Variants in NPTX2 observed in about 807,000 individuals in gnomAD.
The protein encoded by NPTX2 is neuronal pentraxin 2.
A neutral mutation model predicts 38.1 loss-of-function variants in NPTX2; 23 were observed. The observed-to-expected ratio is 0.60, with a 90% CI of 0.43 to 0.85. NPTX2 has a LOEUF of 0.85. NPTX2 is among the 40% of genes least tolerant of loss of function. The pLI, the probability that NPTX2 is intolerant of heterozygous loss-of-function variation, is 0.00. For synonymous variants in NPTX2, 291 were observed against 287.3 expected, an observed-to-expected ratio of 1.01 and a Z score of -0.13; for missense variants, 553 against 615.3, an observed-to-expected ratio of 0.90 and a Z score of 1.07.
intron 1 of NPTX2, 96 bp downstream of exon 1, chr7:98,617,983 T>C: frequency 7.8e-7 from 1 of 1,286,200 alleles, no homozygotes; most frequent in East Asian, 2.8e-5. Context: ...GGCCTGGCCC[T>C]GGGGAGGGTG....
intron 3 of NPTX2, among the ~76,000 whole-genome samples, chr7:98,626,193 C>T (rs914384067): frequency 6.6e-6 from 1 of 150,798 alleles, no homozygotes; most frequent in African/African-American, 2.4e-5. Flanking sequence ...CTCCTGGGGA[C>T]CTCTCACAGC....
intron 4 of NPTX2, among the ~76,000 whole-genome samples, chr7:98,627,997 A>G (rs1791381939): frequency 6.6e-6 from 1 of 152,148 alleles, no homozygotes; most frequent in Admixed American, 6.5e-5. Context: ...TTGGCATTCC[A>G]GTCTGTATTT....
At chr7:98,618,569 T>TCCCCCCCCCCCCCCC (rs145792464) in intron 1 of NPTX2, among the ~76,000 whole-genome samples, 1 of 30,094 alleles carries the variant, frequency 3.3e-5, no homozygotes, top group Admixed American at 3.3e-4. Context: ...TCTCTCTCTC[T>TCCCCCCCCCCCCCCC]CCCCCCCTCC....
At chr7:98,620,736 C>T (rs980650586) in intron 2 of NPTX2, among the ~76,000 whole-genome samples, 2 of 152,098 alleles carry the variant, frequency 1.3e-5, no homozygotes, top group Non-Finnish European at 2.9e-5. Flanking sequence ...GTGAGCGTGG[C>T]TCCGTGGACC....
At chr7:98,626,829 C>T (rs1356661788) in intron 3 of NPTX2, among the ~76,000 whole-genome samples, 1 of 152,210 alleles carries the variant, frequency 6.6e-6, no homozygotes, top group Non-Finnish European at 1.5e-5. Flanking sequence ...ATGAGGATCT[C>T]TCGTCTGTTT....
chr7:98,621,932 G>A (rs1791276732), intron 2 of NPTX2, among the ~76,000 whole-genome samples: 1 of 152,222 alleles, frequency 6.6e-6, no homozygotes. Context: ...GTGGGCCCCA[G>A]CCCTGCTGCG....
intron 2 of NPTX2, among the ~76,000 whole-genome samples, chr7:98,624,344 C>T (rs1401827280): frequency 2.0e-5 from 3 of 152,142 alleles, no homozygotes; most frequent in East Asian, 1.9e-4. Context: ...CCTCCTGCCT[C>T]GGCCTCCCAA....
chr7:98,618,601 C>T (rs1584140043), intron 1 of NPTX2, among the ~76,000 whole-genome samples: 1 of 119,166 alleles, frequency 8.4e-6, no homozygotes, highest in South Asian at 3.7e-4. Flanking sequence ...TCCGTCCCCC[C>T]CCCCCGCCCC....
intron 2 of NPTX2, among the ~76,000 whole-genome samples, chr7:98,623,370 C>A (rs916931264): frequency 1.3e-5 from 2 of 152,160 alleles, no homozygotes; most frequent in East Asian, 3.9e-4. Flanking sequence ...ACCAAGGCTG[C>A]CTTGGAAATA....
chr7:98,623,741 A>G (rs917739360), intron 2 of NPTX2, among the ~76,000 whole-genome samples: 2 of 152,182 alleles, frequency 1.3e-5, no homozygotes, highest in Middle Eastern at 3.2e-3. Flanking sequence ...AGACTCATTC[A>G]CTTGACAAGT....
chr7:98,619,320 C>T (rs1791232436), intron 1 of NPTX2, among the ~76,000 whole-genome samples: 1 of 152,082 alleles, frequency 6.6e-6, no homozygotes, highest in Non-Finnish European at 1.5e-5. Flanking sequence ...AATCCTGGAG[C>T]TGAGTTTTGG....
At chr7:98,619,311 A>G (rs1791232300) in intron 1 of NPTX2, among the ~76,000 whole-genome samples, 1 of 152,098 alleles carries the variant, frequency 6.6e-6, no homozygotes, top group Non-Finnish European at 1.5e-5. Flanking sequence ...AAGAAAAAAA[A>G]TCCTGGAGCT....
intron 2 of NPTX2, among the ~76,000 whole-genome samples, chr7:98,621,378 T>G (rs1389324737): frequency 6.6e-6 from 1 of 152,134 alleles, no homozygotes; most frequent in East Asian, 1.9e-4. Context: ...GCTGGCCATT[T>G]ATGCACCCCA....
At chr7:98,626,574 C>T (rs930209347) in intron 3 of NPTX2, among the ~76,000 whole-genome samples, 8 of 152,142 alleles carry the variant, frequency 5.3e-5, no homozygotes, top group Admixed American at 1.3e-4. Context: ...AGGGAGGCTT[C>T]GGGTTGCTAG....
intron 2 of NPTX2, among the ~76,000 whole-genome samples, chr7:98,624,199 T>C (rs1791309585): frequency 6.6e-6 from 1 of 152,124 alleles, no homozygotes; most frequent in African/African-American, 2.4e-5. Context: ...TCAAGCAGTC[T>C]TCCCACCTCA....
intron 2 of NPTX2, among the ~76,000 whole-genome samples, chr7:98,623,956 G>T (rs192881237): frequency 6.0e-4 from 92 of 152,288 alleles, no homozygotes; most frequent in African/African-American, 2.1e-3. Flanking sequence ...TATGACTTAT[G>T]AAAAGAGAGT....
In NPTX2 at chr7:98,626,382, G is replaced by C. The variant is rs573537208; in HGVS notation, c.889-783G>C. Among the ~76,000 whole-genome samples the C allele has an allele frequency of 3.9e-5, 6 of 152,148 alleles. No individual in the cohort carries two copies. In the East Asian group the frequency reaches 1.2e-3, roughly 30 times the overall value. The stretch of plus-strand genomic sequence containing the variant: ...TGTTTGTCCTCACTGAACTGCCCTG[G>C]GTGGAGTCTGTCGAGGTTTAAAAAA... On this transcript the variant is annotated intron_variant, in intron 3 of 4. Transcript: ENST00000265634.
intron 2 of NPTX2, 114 bp downstream of exon 2, chr7:98,619,973 T>G: frequency 2.2e-6 from 2 of 906,774 alleles, no homozygotes; most frequent in Non-Finnish European, 1.7e-6. Flanking sequence ...ATGGGCCTGG[T>G]TCCCGAGTGT....
At position 98,617,814 on chromosome 7, in the gene NPTX2, G is replaced by C. The variant is rs778505644; in HGVS notation, c.353G>C (p.Arg118Pro). 1 of 1,539,876 alleles carries C rather than the reference G, an allele frequency of 6.5e-7. No homozygotes were observed. Among genetic ancestry groups the C allele is most frequent in the South Asian group, 1.2e-5 (1 of 84,822 alleles). The part of the protein sequence containing the change: ...TGKDTMGDLP[R>P]DPGHVVEQLS... ...AAGGACACTATGGGCGACCTGCCGC[G>C]GGACCCCGGCCACGTCGTGGAGCAG... The change falls in exon 1 of 5, where the codon CGG (arginine) becomes CCG (proline). Residue 118 changes from arginine to proline, a missense_variant. Physicochemically the swap from Arg to Pro is moderately radical, Grantham distance 103. Transcript: ENST00000265634.
Sources: allele counts gnomAD v4.1 joint callset (sites outside exome capture counted in the v4.1 genomes callset), GRCh38; gene constraint gnomAD v4.1.1; transcripts MANE v1.5; gene names NCBI Gene and HGNC (gene_info 2026-07-23, HGNC 2026-07-21).